The following ARHGAP18 variants were observed in gnomAD, a reference collection of about 807,000 sequenced individuals.
ARHGAP18 encodes rho GTPase-activating protein 18.
In ARHGAP18, 67 loss-of-function variants were observed where a neutral mutation model predicts 86.2. The observed-to-expected ratio is 0.78, with a 90% CI of 0.64 to 0.95. ARHGAP18 has a LOEUF of 0.95. Among genes scored for constraint, ARHGAP18 ranks in the 40% least tolerant of loss-of-function variants. ARHGAP18 has a pLI of 0.00. For synonymous variants in ARHGAP18, 283 were observed against 280.4 expected (o/e 1.01, Z -0.09); for missense variants, 691 against 780.4 (o/e 0.89, Z 1.37).
chr6:129,607,410 C>A (rs1788876423), intron 9 of ARHGAP18, among the ~76,000 whole-genome samples: 1 of 152,130 alleles, frequency 6.6e-6, no homozygotes, highest in Admixed American at 6.5e-5. Flanking sequence ...AATGAGGCAG[C>A]AAAATGCTTT....
intron 1 of ARHGAP18, among the ~76,000 whole-genome samples, chr6:129,663,631 A>G (rs1445748805): frequency 6.6e-6 from 1 of 152,220 alleles, no homozygotes; most frequent in Non-Finnish European, 1.5e-5. Flanking sequence ...GACAGATTGT[A>G]TCGTGACAGA....
At chr6:129,698,586 A>C (rs1190406335) in intron 1 of ARHGAP18, among the ~76,000 whole-genome samples, 1 of 149,824 alleles carries the variant, frequency 6.7e-6, no homozygotes, top group Non-Finnish European at 1.5e-5. Flanking sequence ...TCTTTCACCC[A>C]GGCTGGAGTG....
intron 5 of ARHGAP18, among the ~76,000 whole-genome samples, chr6:129,627,177 A>T (rs1474126985): frequency 2.0e-5 from 3 of 152,172 alleles, no homozygotes; most frequent in Admixed American, 6.5e-5. Context: ...AAAGCAAATT[A>T]AAACATTAAT....
intron 1 of ARHGAP18, among the ~76,000 whole-genome samples, chr6:129,667,174 C>G (rs1023503535): frequency 3.4e-4 from 52 of 151,874 alleles, no homozygotes; most frequent in Non-Finnish European, 1.9e-4. Flanking sequence ...CTACACTGCC[C>G]CAATTTTACT....
intron 1 of ARHGAP18, among the ~76,000 whole-genome samples, chr6:129,675,877 C>A (rs773265575): frequency 1.3e-5 from 2 of 152,176 alleles, no homozygotes; most frequent in Non-Finnish European, 2.9e-5. Flanking sequence ...TTCACTCCAC[C>A]GTACTCCACC....
chr6:129,649,626 C>T (rs1773662051), intron 1 of ARHGAP18, among the ~76,000 whole-genome samples: 1 of 150,642 alleles, frequency 6.6e-6, no homozygotes, highest in Admixed American at 6.6e-5. Context: ...AGTGTTCACC[C>T]ACTTCTTGCT....
chr6:129,622,599 C>T (rs781152746), intron 5 of ARHGAP18, among the ~76,000 whole-genome samples: 12 of 152,166 alleles, frequency 7.9e-5, no homozygotes, highest in Non-Finnish European at 1.8e-4. Flanking sequence ...ATGAAGTTTC[C>T]TGTCGTTTTT....
In ARHGAP18 at chr6:129,584,065, C is replaced by A. The variant is rs375152621; in HGVS notation, c.1761G>T (p.Ser587=). 1 of 1,613,690 alleles carries A rather than the reference C, an allele frequency of 6.2e-7. No homozygotes were observed. The highest frequency in any genetic ancestry group is 2.2e-5 in the East Asian group (1 of 44,822). ...TTAGCTGTATTGCCATGGAAACTTT[C>A]GAAAGATGGGGAGCTTGCACTCGAA... ...GVIRVQAPHL[S]KVSMAIQLTE... Residue 587 remains serine, a synonymous_variant, in exon 13 of 15, where the codon TCG becomes TCT. Transcript: ENST00000368149.
intron 12 of ARHGAP18, among the ~76,000 whole-genome samples, chr6:129,586,861 C>T (rs537362689): frequency 1.3e-5 from 2 of 152,198 alleles, no homozygotes; most frequent in South Asian, 4.2e-4. Flanking sequence ...GTTCTACTCC[C>T]CCTCCCAAAT....
chr6:129,625,120 T>TG (rs1213565471), intron 5 of ARHGAP18, among the ~76,000 whole-genome samples: 104 of 5,866 alleles, frequency 0.018, 7 homozygotes, highest in African/African-American at 0.09. Context: ...ATTATATAGA[T>TG]ATATATTATA....
rs1310739493 is a variant in ARHGAP18, at chr6:129,625,486, A to G, written c.786+3867T>C. ...ATATAATATATATTTTATATTATAT[A>G]TTATATATAATATATATTTTATATA... On this transcript the variant is annotated intron_variant, in intron 5 of 14. Transcript: ENST00000368149. Among the ~76,000 whole-genome samples the G allele has an allele frequency of 2.1e-3, 127 of 61,540 alleles. 19 individuals are homozygous for G. The highest frequency in any genetic ancestry group is 2.2e-3 in the Non-Finnish European group (77 of 35,540). 40.4% of individuals were successfully genotyped at this position (61,540 alleles called of 152,430 possible). A position where few individuals can be genotyped will look rare whatever the true frequency, so the allele number is the denominator to read the frequency against.
chr6:129,628,852 A>G (rs2114486813), intron 5 of ARHGAP18, among the ~76,000 whole-genome samples: 1 of 152,292 alleles, frequency 6.6e-6, no homozygotes, highest in Non-Finnish European at 1.5e-5. Context: ...AAAGAACAAT[A>G]TTGTGACAAT....
At chr6:129,678,003 C>T (rs531788026) in intron 1 of ARHGAP18, among the ~76,000 whole-genome samples, 2 of 152,320 alleles carry the variant, frequency 1.3e-5, no homozygotes, top group South Asian at 2.1e-4. Context: ...CAAAACTTGC[C>T]TATGAGTATC....
At chr6:129,660,990 G>A (rs1773938257) in intron 1 of ARHGAP18, among the ~76,000 whole-genome samples, 1 of 146,178 alleles carries the variant, frequency 6.8e-6, no homozygotes, top group South Asian at 2.1e-4. Flanking sequence ...AAAAGGAAGA[G>A]GAGGAGGAGA....
intron 1 of ARHGAP18, among the ~76,000 whole-genome samples, chr6:129,689,914 A>G (rs906771570): frequency 6.6e-6 from 1 of 152,246 alleles, no homozygotes; most frequent in Non-Finnish European, 1.5e-5. Flanking sequence ...TCTGAATTCC[A>G]AAACTACAAA....
At chr6:129,613,220 G>A (rs1413199445) in intron 7 of ARHGAP18, among the ~76,000 whole-genome samples, 6 of 135,834 alleles carry the variant, frequency 4.4e-5, no homozygotes, top group Non-Finnish European at 7.7e-5. Context: ...GCGACAGAGC[G>A]AGACTCTGTC....
chr6:129,611,833 G>T (rs1208886737), intron 7 of ARHGAP18, among the ~76,000 whole-genome samples: 2 of 152,160 alleles, frequency 1.3e-5, no homozygotes, highest in Admixed American at 6.5e-5. Flanking sequence ...CTTTATAACA[G>T]AAGTGTGTAA....
intron 12 of ARHGAP18, among the ~76,000 whole-genome samples, chr6:129,589,806 T>A (rs1293685750): frequency 6.6e-6 from 1 of 152,138 alleles, no homozygotes; most frequent in Non-Finnish European, 1.5e-5. Flanking sequence ...AGTCCCACAA[T>A]AGGCCATCTG....
Position 129,686,788 on chromosome 6 carries a change from CT to C in ARHGAP18, c.113+23235del, listed in dbSNP as rs553951472. On this transcript the variant is annotated intron_variant, in intron 1 of 14. Coordinates refer to ENST00000368149, the MANE Select transcript of ARHGAP18 (RefSeq NM_033515.3). ...CACTGAATTCCCTCCCTAATAAAAC[CT>C]TTTTTTTTTTTTTTTTTTGAGATGG... Among the ~76,000 whole-genome samples the C allele has an allele frequency of 8.1e-3, 954 of 117,492 alleles. 3 individuals are homozygous for C. The highest frequency in any genetic ancestry group is 0.023 in the African/African-American group (764 of 33,782). 77.1% of individuals were successfully genotyped at this position (117,492 alleles called of 152,430 possible).
Sources: gnomAD v4.1 joint callset for allele counts (sites outside exome capture counted in the v4.1 genomes callset) on GRCh38, gnomAD v4.1.1 for gene constraint, MANE v1.5 for transcripts, NCBI Gene and HGNC (gene_info 2026-07-23, HGNC 2026-07-21) for gene names.